Variants in OR2C1 observed in about 807,000 individuals in gnomAD.
OR2C1 encodes olfactory receptor family 2 subfamily C member 1, also known as olfactory receptor 2C1.
For synonymous variants in OR2C1, 209 were observed against 167.3 expected (o/e 1.25, Z -1.92); for missense variants, 468 against 388.3 (o/e 1.21, Z -1.73).
chr16:3,325,139 GC>G, the OR2C1 span, among the ~76,000 whole-genome samples: 2 of 152,032 alleles, frequency 1.3e-5, no homozygotes, highest in South Asian at 2.1e-4. Context: ...CTGCCACCAG[GC>G]CCAGCTAATT....
At chr16:3,324,645 G>A in the OR2C1 span, among the ~76,000 whole-genome samples, 2 of 152,154 alleles carry the variant, frequency 1.3e-5, no homozygotes, top group African/African-American at 4.8e-5. Flanking sequence ...AGAGATGGGA[G>A]TCTTGATATG....
At chr16:3,324,706 A>G in the OR2C1 span, among the ~76,000 whole-genome samples, 1 of 151,564 alleles carries the variant, frequency 6.6e-6, no homozygotes, top group African/African-American at 2.4e-5. Context: ...TCCTGCCTAA[A>G]CCTCCCCAAA....
chr16:3,330,226 C>T, the OR2C1 span, among the ~76,000 whole-genome samples: 1 of 152,040 alleles, frequency 6.6e-6, no homozygotes, highest in Admixed American at 6.6e-5. Context: ...CCTGCCTCAA[C>T]CTCCCGAGTA....
the OR2C1 span, among the ~76,000 whole-genome samples, chr16:3,335,900 C>T: frequency 1.3e-5 from 2 of 152,246 alleles, no homozygotes; most frequent in African/African-American, 4.8e-5. Context: ...AATTTGGAAG[C>T]CCTTTATTTC....
At chr16:3,350,298 A>G in the OR2C1 span, among the ~76,000 whole-genome samples, 4 of 150,960 alleles carry the variant, frequency 2.6e-5, no homozygotes, top group Non-Finnish European at 5.9e-5. Flanking sequence ...CAGATGATCC[A>G]CCTGCCTCGG....
Position 3,356,541 on chromosome 16 carries a change from G to C in OR2C1, c.601G>C (p.Gly201Arg). ...DTSLNQAVLN[G>R]VCTFFTAVPL... ...AAGTCTCAACCAGGCTGTGCTCAAT[G>C]GTGTCTGCACCTTCTTCACTGCAGT... The change falls in exon 1 of 1, where the codon GGT becomes CGT. Residue 201 changes from glycine (G) to arginine (R), a missense_variant. Transcript: ENST00000304936. 6.2e-7 allele frequency: 1 copy of C among 1,614,126 alleles called. No homozygotes were observed. The highest frequency in any genetic ancestry group is 1.1e-5 in the South Asian group (1 of 91,080).
chr16:3,355,132 G>T (rs1041450370), upstream of OR2C1, among the ~76,000 whole-genome samples: 5 of 151,798 alleles, frequency 3.3e-5, no homozygotes, highest in African/African-American at 7.3e-5. Context: ...TTTTCCATTC[G>T]GTGTGTAACC....
chr16:3,354,070 G>A (rs112963993), upstream of OR2C1, among the ~76,000 whole-genome samples: 1 of 147,874 alleles, frequency 6.8e-6, no homozygotes, highest in African/African-American at 2.5e-5. Flanking sequence ...TGCAACTTCC[G>A]CCTCCCTGTT....
chr16:3,351,951 C>G (rs1481468011), upstream of OR2C1, among the ~76,000 whole-genome samples: 1 of 148,506 alleles, frequency 6.7e-6, no homozygotes, highest in Non-Finnish European at 1.5e-5. Context: ...CACCTTGGCT[C>G]AGCCCATGGT....
rs755629122 is a variant in OR2C1 at position 3,355,892 on chromosome 16, C to T, written c.-49C>T. 1 of 1,394,476 alleles carries T rather than the reference C, an allele frequency of 7.2e-7. No individual in the cohort carries two copies. Among genetic ancestry groups the T allele is most frequent in the Non-Finnish European group, 9.9e-7 (1 of 1,013,750 alleles). The allele number at this position is 1,394,476 out of a possible 1,614,324, so 86.4% of individuals were successfully genotyped here. A position where few individuals can be genotyped will look rare whatever the true frequency, so the allele number is the denominator to read the frequency against. ...AACAGCTTTTTCTTGACTTTTCTTC[C>T]AGCAGCTTGCGCTAAATGAATTCAT... On this transcript the variant is annotated 5_prime_UTR_variant, in exon 1 of 1. Transcript: ENST00000304936.
the OR2C1 span, among the ~76,000 whole-genome samples, chr16:3,339,625 T>G: frequency 6.6e-6 from 1 of 152,108 alleles, no homozygotes; most frequent in East Asian, 1.9e-4. Context: ...CCCGGCTAAT[T>G]TTTTGTATTT....
At chr16:3,327,677 T>C in the OR2C1 span, among the ~76,000 whole-genome samples, 1 of 151,734 alleles carries the variant, frequency 6.6e-6, no homozygotes, top group South Asian at 2.1e-4. Flanking sequence ...TCCTGCACTT[T>C]TAACAAGCCT....
At chr16:3,338,283 C>G in the OR2C1 span, among the ~76,000 whole-genome samples, 1 of 152,162 alleles carries the variant, frequency 6.6e-6, no homozygotes, top group African/African-American at 2.4e-5. Context: ...AGGGATATTT[C>G]TCCCTTAAGG....
chr16:3,337,725 T>G, the OR2C1 span, among the ~76,000 whole-genome samples: 1 of 152,158 alleles, frequency 6.6e-6, no homozygotes, highest in African/African-American at 2.4e-5. Flanking sequence ...GCTCACATAT[T>G]GCTATCTTGT....
At chr16:3,328,440 A>G in the OR2C1 span, among the ~76,000 whole-genome samples, 1 of 152,298 alleles carries the variant, frequency 6.6e-6, no homozygotes, top group Admixed American at 6.5e-5. Context: ...ACTTTTTGAG[A>G]ATTATGTACG....
upstream of OR2C1, among the ~76,000 whole-genome samples, chr16:3,353,105 T>C (rs532223520): frequency 2.6e-5 from 4 of 151,932 alleles, no homozygotes; most frequent in Non-Finnish European, 5.9e-5. Flanking sequence ...CAGGAGGTAG[T>C]AGAATGGGTT....
the OR2C1 span, among the ~76,000 whole-genome samples, chr16:3,325,483 A>C: frequency 0.23 from 27,950 of 123,958 alleles, 3,655 homozygotes; most frequent in Admixed American, 0.33. Context: ...ATATATATAT[A>C]TATATATATA....
At chr16:3,333,474 T>C in the OR2C1 span, among the ~76,000 whole-genome samples, 1 of 151,970 alleles carries the variant, frequency 6.6e-6, no homozygotes, top group East Asian at 1.9e-4. Flanking sequence ...TAGCTGGTAC[T>C]ACAGGCACCC....
chr16:3,338,328 C>T, the OR2C1 span, among the ~76,000 whole-genome samples: 1 of 152,128 alleles, frequency 6.6e-6, no homozygotes, highest in African/African-American at 2.4e-5. Context: ...GAGGAAAGGA[C>T]AGGTCTCCTG....
Sources: gnomAD v4.1 joint callset for allele counts (sites outside exome capture counted in the v4.1 genomes callset) on GRCh38, gnomAD v4.1.1 for gene constraint, MANE v1.5 for transcripts, NCBI Gene and HGNC (gene_info 2026-07-23, HGNC 2026-07-21) for gene names.